Variants in IL1RAPL2 observed in about 807,000 individuals in gnomAD.
The protein encoded by IL1RAPL2 is X-linked interleukin-1 receptor accessory protein-like 2.
IL1RAPL2 carries 3 observed loss-of-function variants against 44.1 expected under a neutral mutation model. That is an observed-to-expected ratio of 0.07 (90% CI 0.03 to 0.18). The LOEUF (loss-of-function observed/expected upper bound fraction) is 0.18, where lower values mean the gene tolerates loss of function less well. Among genes scored for constraint, IL1RAPL2 ranks in the 10% least tolerant of loss-of-function variants. The probability of loss-of-function intolerance (pLI) is 1.00; values close to 1 mark genes in which losing one functional copy is unlikely to be tolerated. For synonymous variants in IL1RAPL2, 181 were observed against 178.8 expected (o/e 1.01, Z -0.10); for missense variants, 391 against 496.4 (o/e 0.79, Z 2.02).
intron 2 of IL1RAPL2, among the ~76,000 whole-genome samples, chrX:104,823,613 C>CCA (rs1921369482): frequency 9.3e-6 from 1 of 107,976 alleles, no homozygotes; most frequent in Admixed American, 1.0e-4. Flanking sequence ...GGGTATATAC[C>CCA]CAGTAATGGG....
At chrX:105,351,936 C>A (rs1048068143) in intron 5 of IL1RAPL2, among the ~76,000 whole-genome samples, 1 of 111,110 alleles carries the variant, frequency 9.0e-6, no homozygotes, top group African/African-American at 3.3e-5. Flanking sequence ...CCCCATCCCC[C>A]ACTTTTTATT....
intron 1 of IL1RAPL2, among the ~76,000 whole-genome samples, chrX:104,634,637 GTTTGT>G (rs1489728343): frequency 2.7e-5 from 3 of 111,568 alleles, no homozygotes; most frequent in Non-Finnish European, 5.6e-5. Context: ...TTGGTTTAAA[GTTTGT>G]TTTATCAGAG....
At chrX:105,145,406 C>T (rs765011949) in intron 2 of IL1RAPL2, among the ~76,000 whole-genome samples, 1 of 111,600 alleles carries the variant, frequency 9.0e-6, no homozygotes, top group South Asian at 3.8e-4. Flanking sequence ...TCCCTAAAAA[C>T]CCTAGAATTC....
At chrX:105,557,361 TA>T (rs1482980752) in intron 6 of IL1RAPL2, among the ~76,000 whole-genome samples, 4 of 111,732 alleles carry the variant, frequency 3.6e-5, no homozygotes, top group Non-Finnish European at 7.6e-5. Context: ...GTGGAGAATC[TA>T]AAAGAAGTAA....
rs200152617 is a variant in IL1RAPL2, at chrX:104,892,263, T to A, written c.82+233268T>A. Among the ~76,000 whole-genome samples the A allele has an allele frequency of 6.3e-4, 70 of 111,768 alleles. 2 individuals carry two copies. In the East Asian group the frequency reaches 0.015, roughly 24 times the overall value. ...ATATTGGTCTAAAATTCTCTTTTTTTGTTGTGTCTCTGTCAGGCTTTGGTA... is the reference window on the plus strand; with the variant it reads ...ATATTGGTCTAAAATTCTCTTTTTTAGTTGTGTCTCTGTCAGGCTTTGGTA... On this transcript the variant is annotated intron_variant, in intron 2 of 10. Transcript: ENST00000372582.
At chrX:105,310,554 TA>T in intron 5 of IL1RAPL2, among the ~76,000 whole-genome samples, 1 of 111,678 alleles carries the variant, frequency 9.0e-6, no homozygotes, top group Non-Finnish European at 1.9e-5. Flanking sequence ...GTTAGAAACT[TA>T]TATAATCTAT....
chrX:105,229,512 A>G (rs189797157), intron 3 of IL1RAPL2, among the ~76,000 whole-genome samples: 2 of 112,443 alleles, frequency 1.8e-5, no homozygotes, highest in East Asian at 2.8e-4. Flanking sequence ...GAGTGTATAC[A>G]TACTGGGCCC....
chrX:104,937,928 C>A (rs1925065577), intron 2 of IL1RAPL2, among the ~76,000 whole-genome samples: 1 of 112,391 alleles, frequency 8.9e-6, no homozygotes, highest in Admixed American at 9.4e-5. Context: ...AGTTGGCAAG[C>A]ATGAAGTGTA....
chrX:104,908,425 T>C (rs1422419164), intron 2 of IL1RAPL2, among the ~76,000 whole-genome samples: 1 of 111,794 alleles, frequency 8.9e-6, no homozygotes, highest in South Asian at 3.7e-4. Flanking sequence ...TTGGCGTGAT[T>C]TTGCAGTGGC....
chrX:105,355,427 T>C (rs2035194395), intron 5 of IL1RAPL2, among the ~76,000 whole-genome samples: 1 of 111,530 alleles, frequency 9.0e-6, no homozygotes, highest in Non-Finnish European at 1.9e-5. Flanking sequence ...CCTGCAATAC[T>C]CTTCCTTCTA....
intron 5 of IL1RAPL2, among the ~76,000 whole-genome samples, chrX:105,302,784 TG>T (rs761154267): frequency 8.0e-5 from 9 of 112,030 alleles, no homozygotes; most frequent in Non-Finnish European, 1.5e-4. Flanking sequence ...TTAAGTCCAC[TG>T]GCTGTAAGCT....
rs1365896538 is a variant in IL1RAPL2 at position 105,670,142 on chromosome X, T to TATATATATATATATATATAA, written c.773-47219_773-47218insATATATATATATAAATATAT. On this transcript the variant is annotated intron_variant, in intron 6 of 10. Coordinates refer to ENST00000372582, the MANE Select transcript of IL1RAPL2 (RefSeq NM_017416.2). ...ATATATATATATATATATATATATA[T>TATATATATATATATATATAA]ATATATCTCCACCAGACCACACAGT... Among the ~76,000 whole-genome samples the TATATATATATATATATATAA allele has an allele frequency of 4.3e-4, 23 of 52,967 alleles. 3 individuals carry two copies. The highest frequency in any genetic ancestry group is 1.6e-3 in the African/African-American group (22 of 13,461). 46.0% of individuals were successfully genotyped at this position (52,967 alleles called of 115,157 possible).
intron 2 of IL1RAPL2, among the ~76,000 whole-genome samples, chrX:104,903,976 A>C (rs1266132898): frequency 3.6e-5 from 4 of 111,989 alleles, no homozygotes; most frequent in Non-Finnish European, 5.6e-5. Context: ...AAGCAGGATT[A>C]AAACTCAGAT....
chrX:105,443,908 GA>G (rs1221009679), intron 5 of IL1RAPL2, among the ~76,000 whole-genome samples: 2 of 111,624 alleles, frequency 1.8e-5, no homozygotes, highest in Admixed American at 9.5e-5. Context: ...GTTTTTTGAG[GA>G]AACTCCAAAC....
intron 1 of IL1RAPL2, among the ~76,000 whole-genome samples, chrX:104,634,294 G>T (rs1160100353): frequency 3.6e-5 from 4 of 111,810 alleles, no homozygotes; most frequent in Non-Finnish European, 7.5e-5. Context: ...TAAGTGCGGT[G>T]TGGTGCTGAA....
At chrX:105,529,936 T>A (rs1288213099) in intron 6 of IL1RAPL2, among the ~76,000 whole-genome samples, 8 of 112,294 alleles carry the variant, frequency 7.1e-5, no homozygotes, top group Admixed American at 6.6e-4. Flanking sequence ...ATATTGTTTA[T>A]CCATTCATTC....
chrX:105,705,551 A>G lies in IL1RAPL2; in HGVS notation c.773-11816A>G, dbSNP rs752354579. Among the ~76,000 whole-genome samples the G allele has an allele frequency of 1.4e-3, 154 of 111,088 alleles. 3 individuals are homozygous for G. Among genetic ancestry groups the G allele is most frequent in the African/African-American group, 4.9e-3 (149 of 30,631 alleles). On this transcript the variant is annotated intron_variant, in intron 6 of 10. Transcript: ENST00000372582. ...GGGTGTAACAGAACAATTGACTTTG[A>G]GATATTTTCCCCAACTATGTCACTC...
chrX:104,943,297 T>C, intron 2 of IL1RAPL2, among the ~76,000 whole-genome samples: 1 of 111,461 alleles, frequency 9.0e-6, no homozygotes, highest in East Asian at 2.8e-4. Context: ...CTCCATAATT[T>C]GTGTCTCTAG....
At chrX:105,416,061 C>A (rs1399959172) in intron 5 of IL1RAPL2, among the ~76,000 whole-genome samples, 12 of 111,483 alleles carry the variant, frequency 1.1e-4, no homozygotes, top group Admixed American at 1.1e-3. Flanking sequence ...ATTTGGAGAA[C>A]CAAAGGCAAA....
Sources: allele counts gnomAD v4.1 joint callset (sites outside exome capture counted in the v4.1 genomes callset), GRCh38; gene constraint gnomAD v4.1.1; transcripts MANE v1.5; gene names NCBI Gene and HGNC (gene_info 2026-07-23, HGNC 2026-07-21).